Variants in LAPTM4A observed in about 807,000 individuals in gnomAD.
LAPTM4A encodes the protein lysosomal-associated transmembrane protein 4A.
A neutral mutation model predicts 29.9 loss-of-function variants in LAPTM4A; 19 were observed. The ratio of observed to expected loss-of-function variants is 0.64; its 90% CI spans 0.44 to 0.93. The LOEUF (loss-of-function observed/expected upper bound fraction) is 0.93. LAPTM4A is among the 40% of genes least tolerant of loss of function. LAPTM4A has a pLI of 0.00. For missense variants in LAPTM4A, 293 were observed against 288.5 expected (o/e 1.02, Z -0.11); for synonymous variants, 105 against 102.1 (o/e 1.03, Z -0.17).
chr2:20,047,320 G>A lies in LAPTM4A; in HGVS notation c.111+4090C>T, dbSNP rs1249331787. Among the ~76,000 whole-genome samples the A allele has an allele frequency of 1.1e-4, 17 of 151,070 alleles. No homozygotes were observed. The South Asian group carries it at 2.9e-3, about 26-fold the overall frequency. On this transcript the variant is annotated intron_variant, in intron 1 of 6. Transcript: ENST00000175091. ...GAGGAATCGCTTGAACCTGGGAGGC[G>A]GAGGTTGCAGTGAGCCGAGATCGCA...
chr2:20,034,213 A>G (rs917378230), intron 6 of LAPTM4A, 104 bp downstream of exon 6: 86 of 829,852 alleles, frequency 1.0e-4, no homozygotes, highest in Middle Eastern at 5.4e-4. Context: ...GTTCATGCCC[A>G]AACCATAGGT....
At chr2:20,047,030 T>TTTAATAATA (rs1673939149) in intron 1 of LAPTM4A, among the ~76,000 whole-genome samples, 1 of 151,748 alleles carries the variant, frequency 6.6e-6, no homozygotes, top group Admixed American at 6.6e-5. Context: ...AATAAGTACA[T>TTTAATAATA]ACAAGAAGGA....
At position 20,032,991 on chromosome 2, in the gene LAPTM4A, T is replaced by G. The variant is rs1456719341; in HGVS notation, c.*214A>C. 1 of 543,268 alleles carries G rather than the reference T, an allele frequency of 1.8e-6. No individual in the cohort carries two copies. The highest frequency in any genetic ancestry group is 1.9e-5 in the African/African-American group (1 of 53,190). 33.7% of individuals were successfully genotyped at this position (543,268 alleles called of 1,614,324 possible). ...CTTTGCTCTTGCTTAACCTAGATTGTCTTCAAAAACTATTAAAATGTAAAA... is the reference window on the plus strand; with the variant it reads ...CTTTGCTCTTGCTTAACCTAGATTGGCTTCAAAAACTATTAAAATGTAAAA... On this transcript the variant is annotated 3_prime_UTR_variant, in exon 7 of 7. Transcript: ENST00000175091.
At chr2:20,040,094 T>C (rs921464027) in intron 2 of LAPTM4A, among the ~76,000 whole-genome samples, 2 of 152,164 alleles carry the variant, frequency 1.3e-5, no homozygotes, top group African/African-American at 2.4e-5. Flanking sequence ...AGAGCCCTCA[T>C]GGCCTAATCA....
At chr2:20,046,993 C>T (rs1277880500) in intron 1 of LAPTM4A, among the ~76,000 whole-genome samples, 3 of 151,416 alleles carry the variant, frequency 2.0e-5, no homozygotes, top group African/African-American at 4.9e-5. Flanking sequence ...AAAGGACAAT[C>T]CTACCAATGT....
At chr2:20,045,529 T>C (rs1673899153) in intron 1 of LAPTM4A, among the ~76,000 whole-genome samples, 1 of 152,052 alleles carries the variant, frequency 6.6e-6, no homozygotes, top group African/African-American at 2.4e-5. Flanking sequence ...AGGTATAGAA[T>C]GCAGCAATAT....
intron 1 of LAPTM4A, among the ~76,000 whole-genome samples, chr2:20,045,872 G>C (rs527731835): frequency 5.9e-5 from 9 of 152,260 alleles, no homozygotes; most frequent in African/African-American, 1.9e-4. Context: ...AATTAAAACA[G>C]TGTGTCTGGT....
rs1673783648 is a variant in LAPTM4A, at chr2:20,040,978, C to T, written c.145G>A (p.Val49Met). 3 of 1,613,514 alleles carry T rather than the reference C, an allele frequency of 1.9e-6. No individual in the cohort carries two copies. Among genetic ancestry groups the T allele is most frequent in the Non-Finnish European group, 2.5e-6 (3 of 1,179,438 alleles). Residue 49 changes from valine (V) to methionine (M), a missense_variant, in exon 2 of 7, where the codon GTG (valine) becomes ATG (methionine). By Grantham distance (21) the Val-to-Met change is conservative. Coordinates refer to ENST00000175091, the MANE Select transcript of LAPTM4A (RefSeq NM_014713.5). ...VNLLMAILLT[V>M]EVTHPNSMPA... is the part of the protein sequence containing the mutation. ...ATGGAGTTTGGATGAGTCACTTCCA[C>T]AGTCAGCAAAATTGCCATCAATAGG...
At chr2:20,034,462 C>T (rs769169993) in intron 5 of LAPTM4A, 47 bp from the exon 6 acceptor site, 3 of 1,244,722 alleles carry the variant, frequency 2.4e-6, no homozygotes, top group South Asian at 2.4e-5. Context: ...ACTCAACAGA[C>T]TACCTGCTCT....
chr2:20,040,185 T>C (rs987140503), intron 2 of LAPTM4A, among the ~76,000 whole-genome samples: 4 of 152,168 alleles, frequency 2.6e-5, no homozygotes, highest in African/African-American at 9.7e-5. Flanking sequence ...ACACATATAT[T>C]GTAACCATAG....
At chr2:20,046,056 A>C (rs901727121) in intron 1 of LAPTM4A, among the ~76,000 whole-genome samples, 4 of 152,214 alleles carry the variant, frequency 2.6e-5, no homozygotes, top group Non-Finnish European at 5.9e-5. Context: ...ACATGGATGA[A>C]GCTGGAAACC....
chr2:20,033,445 T>C (rs551681324), intron 6 of LAPTM4A, among the ~76,000 whole-genome samples, 166 bp from the exon 7 acceptor site: 1 of 152,280 alleles, frequency 6.6e-6, no homozygotes, highest in South Asian at 2.1e-4. Flanking sequence ...CTCAATAACC[T>C]GGAATTTTAC....
At chr2:20,050,733 T>C (rs2148216866) in intron 1 of LAPTM4A, among the ~76,000 whole-genome samples, 1 of 152,238 alleles carries the variant, frequency 6.6e-6, no homozygotes, top group East Asian at 1.9e-4. Context: ...GGGCTCTCAA[T>C]AAAGGTCTCT....
Position 20,037,589 on chromosome 2 carries a change from G to C in LAPTM4A, c.258C>G (p.Val86=). 6.2e-7 allele frequency: 1 copy of C among 1,607,634 alleles called. No individual in the cohort carries two copies. Among genetic ancestry groups the C allele is most frequent in the Non-Finnish European group, 8.5e-7 (1 of 1,177,238 alleles). The change falls in exon 3 of 7, where the codon GTC becomes GTG. Residue 86 remains valine (V), a synonymous_variant. Transcript: ENST00000175091. ...AACTGATTATAAACATAAGAACAGA[G>C]ACGGCAAAAAGAACACAGGCATTAT... The part of the protein sequence containing the change: ...MADNACVLFA[V]SVLMFIISSM...
chr2:20,040,760 C>T lies in LAPTM4A; in HGVS notation c.232+131G>A, dbSNP rs146214813. The T allele has an allele frequency of 5.4e-4, 460 of 857,294 alleles. 1 individual carries two copies. The African/African-American group carries it at 6.5e-3, about 12-fold the overall frequency. 53.1% of individuals were successfully genotyped at this position (857,294 alleles called of 1,614,324 possible). ...TACGCTATCTAGGTTTGTGTAAGTA[C>T]ACCCTATGATGTTCACACAACAATA... is the stretch of plus-strand genomic sequence containing the variant. On this transcript the variant is annotated intron_variant, in intron 2 of 6. Coordinates refer to ENST00000175091, the MANE Select transcript of LAPTM4A (RefSeq NM_014713.5).
In LAPTM4A at chr2:20,051,456, C is replaced by T. The variant is rs1193799916; in HGVS notation, c.65G>A (p.Cys22Tyr). ...DRFYSTRCCG[C>Y]CHVRTGTIIL... is the part of the protein sequence containing the mutation. ...GATCGTCCCGGTGCGGACATGGCAA[C>T]AGCCGCAGCACCGGGTGCTGTAGAA... Residue 22 changes from cysteine to tyrosine, a missense_variant, in exon 1 of 7, where the codon TGT (cysteine) becomes TAT (tyrosine). By Grantham distance (194) the Cys-to-Tyr change is radical. Coordinates refer to ENST00000175091, the MANE Select transcript of LAPTM4A (RefSeq NM_014713.5). 2 of 1,613,650 alleles carry T rather than the reference C, an allele frequency of 1.2e-6. No homozygotes were observed.
chr2:20,041,797 A>G (rs1398892167), intron 1 of LAPTM4A, among the ~76,000 whole-genome samples: 4 of 152,138 alleles, frequency 2.6e-5, no homozygotes, highest in Admixed American at 2.6e-4. Flanking sequence ...TAGCCTCCCA[A>G]AGTGTTGGTA....
At chr2:20,051,206 G>GC (rs1338214552) in intron 1 of LAPTM4A, among the ~76,000 whole-genome samples, 3 of 151,546 alleles carry the variant, frequency 2.0e-5, no homozygotes, top group African/African-American at 7.3e-5. Context: ...GCTTACCACC[G>GC]CCCCCCGCTC....
At chr2:20,035,363 G>A (rs145998543) in intron 4 of LAPTM4A, 23 of 318,728 alleles carry the variant, frequency 7.2e-5, no homozygotes, top group Admixed American at 4.4e-4. Context: ...AAACACTATC[G>A]CCTATATGGC....
Sources: allele counts gnomAD v4.1 joint callset (sites outside exome capture counted in the v4.1 genomes callset), GRCh38; gene constraint gnomAD v4.1.1; transcripts MANE v1.5; gene names NCBI Gene and HGNC (gene_info 2026-07-23, HGNC 2026-07-21).